Variants in TMEFF2 observed in about 807,000 individuals in gnomAD.
The protein encoded by TMEFF2 is transmembrane protein with EGF like and two follistatin like domains 2.
Under a neutral mutation model 53.8 loss-of-function variants are expected in TMEFF2, and 28 were observed. The ratio of observed to expected loss-of-function variants is 0.52; its 90% CI spans 0.39 to 0.71. TMEFF2 has a LOEUF of 0.71. Among genes scored for constraint, TMEFF2 ranks in the 30% least tolerant of loss-of-function variants. The pLI, the probability that TMEFF2 is intolerant of heterozygous loss-of-function variation, is 0.00. For missense variants in TMEFF2, 353 were observed against 455.2 expected, an observed-to-expected ratio of 0.78 and a Z score of 2.04; for synonymous variants, 162 against 166.3, an observed-to-expected ratio of 0.97 and a Z score of 0.20.
In TMEFF2 at chr2:192,109,603, C is replaced by T. The variant is rs565505745; in HGVS notation, c.440-51828G>A. Among the ~76,000 whole-genome samples, 5 of 152,226 alleles carry T rather than the reference C, an allele frequency of 3.3e-5. No homozygotes were observed. In the South Asian group the frequency reaches 6.2e-4, roughly 19 times the overall value. ...AGTAGACAGCTTCAAGACAGACTGA[C>T]TGTCAGGTCCACACTACCTGATGAC... On this transcript the variant is annotated intron_variant, in intron 4 of 9. Coordinates refer to ENST00000272771, the MANE Select transcript of TMEFF2 (RefSeq NM_016192.4).
rs1472494053 is a variant in TMEFF2 at position 192,034,123 on chromosome 2, C to T, written c.536+23556G>A. Among the ~76,000 whole-genome samples the T allele has an allele frequency of 2.8e-5, 4 of 143,258 alleles. No homozygotes were observed. The East Asian group carries it at 6.1e-4, about 22-fold the overall frequency. 94.0% of individuals were successfully genotyped at this position (143,258 alleles called of 152,430 possible). The stretch of plus-strand genomic sequence containing the variant: ...CCGGGAGGCGGAGCTTGCAGTGAGC[C>T]GAGATCGTGCCACTGCACTCCAGCC... On this transcript the variant is annotated intron_variant, in intron 5 of 9. Coordinates refer to ENST00000272771, the MANE Select transcript of TMEFF2 (RefSeq NM_016192.4).
intron 5 of TMEFF2, among the ~76,000 whole-genome samples, chr2:192,015,308 C>CTTTTTTTTTTTTTTTTTTTTTTTTTT (rs34696715): frequency 1.3e-5 from 1 of 76,272 alleles, no homozygotes; most frequent in Non-Finnish European, 2.3e-5. Flanking sequence ...ATCACTGAAG[C>CTTTTTTTTTTTTTTTTTTTTTTTTTT]TTTTTTTTTT....
intron 7 of TMEFF2, among the ~76,000 whole-genome samples, chr2:191,966,637 GCAAAA>G (rs983403931): frequency 9.9e-5 from 15 of 152,088 alleles, no homozygotes; most frequent in African/African-American, 3.6e-4. Flanking sequence ...ATTTAAAAAA[GCAAAA>G]CAAAACAAAA....
In TMEFF2 at chr2:192,055,562, G is replaced by A. The variant is rs564251717; in HGVS notation, c.536+2117C>T. Among the ~76,000 whole-genome samples, 5 of 152,006 alleles carry A rather than the reference G, an allele frequency of 3.3e-5. No homozygotes were observed. In the South Asian group the frequency reaches 1.0e-3, roughly 32 times the overall value. On this transcript the variant is annotated intron_variant, in intron 5 of 9. Transcript: ENST00000272771. ...GGCCGAGGCGGGCAAATCACCTGAG[G>A]TGAGGAGTTTGAGACCAGCCTGGCC...
intron 2 of TMEFF2, among the ~76,000 whole-genome samples, chr2:192,185,356 G>T (rs1425269907): frequency 6.6e-6 from 1 of 151,934 alleles, no homozygotes; most frequent in African/African-American, 2.4e-5. Context: ...ATTATCTCAT[G>T]ATTACTACTA....
chr2:192,142,084 G>A (rs184964696), intron 4 of TMEFF2, among the ~76,000 whole-genome samples: 1 of 152,180 alleles, frequency 6.6e-6, no homozygotes, highest in African/African-American at 2.4e-5. Context: ...CCCTCTTTGG[G>A]AAGTCAAAGA....
chr2:192,190,053 C>T (rs1283189065), intron 2 of TMEFF2, among the ~76,000 whole-genome samples: 1 of 152,200 alleles, frequency 6.6e-6, no homozygotes, highest in Non-Finnish European at 1.5e-5. Flanking sequence ...TAATGACAAA[C>T]ATGACTGGCC....
At chr2:192,000,886 G>A (rs1024161882) in intron 5 of TMEFF2, among the ~76,000 whole-genome samples, 7 of 152,130 alleles carry the variant, frequency 4.6e-5, no homozygotes, top group African/African-American at 1.7e-4. Context: ...ACTCATTGAG[G>A]AGCGGTGTTC....
intron 8 of TMEFF2, among the ~76,000 whole-genome samples, chr2:191,955,345 A>G (rs1387444844): frequency 3.3e-5 from 5 of 150,828 alleles, no homozygotes; most frequent in South Asian, 2.1e-4. Context: ...ATTTAAATAC[A>G]TATATATTAA....
intron 7 of TMEFF2, among the ~76,000 whole-genome samples, chr2:191,970,627 A>G (rs1477002141): frequency 6.6e-6 from 1 of 152,150 alleles, no homozygotes; most frequent in South Asian, 2.1e-4. Context: ...GCCTCTAGAA[A>G]TGTGAGATAA....
chr2:192,005,279 C>T (rs559656074), intron 5 of TMEFF2, among the ~76,000 whole-genome samples: 14 of 152,226 alleles, frequency 9.2e-5, no homozygotes, highest in Non-Finnish European at 1.5e-4. Flanking sequence ...TCAATATTTT[C>T]GGGGGGTTTG....
At chr2:192,118,130 C>T (rs914606486) in intron 4 of TMEFF2, among the ~76,000 whole-genome samples, 1 of 151,778 alleles carries the variant, frequency 6.6e-6, no homozygotes, top group Admixed American at 6.6e-5. Context: ...TTATGATTTA[C>T]TCCATAAAGG....
chr2:192,005,051 C>T (rs574453879), intron 5 of TMEFF2, among the ~76,000 whole-genome samples: 15 of 152,056 alleles, frequency 9.9e-5, no homozygotes, highest in Non-Finnish European at 1.3e-4. Flanking sequence ...CAGCCTTACT[C>T]GAAAATAATA....
At chr2:192,121,053 G>A (rs1689539711) in intron 4 of TMEFF2, among the ~76,000 whole-genome samples, 1 of 151,902 alleles carries the variant, frequency 6.6e-6, no homozygotes, top group Admixed American at 6.6e-5. Flanking sequence ...ATTTTTCTAG[G>A]GGCCTACTAT....
chr2:191,984,098 C>G (rs1398647380), intron 7 of TMEFF2, among the ~76,000 whole-genome samples: 1 of 152,000 alleles, frequency 6.6e-6, no homozygotes, highest in Non-Finnish European at 1.5e-5. Flanking sequence ...TGGAGGTAAA[C>G]TTCGTAAGTT....
intron 4 of TMEFF2, among the ~76,000 whole-genome samples, chr2:192,060,059 T>C (rs115963542): frequency 2.4e-4 from 34 of 144,098 alleles, no homozygotes; most frequent in Middle Eastern, 3.4e-3. Context: ...TTTTTTTTAA[T>C]AAAAATGCCC....
At position 191,950,218 on chromosome 2, in the gene TMEFF2, A is replaced by G. The variant is rs922816706; in HGVS notation, c.*93T>C. 4.5e-5 allele frequency: 70 copies of G among 1,568,320 alleles called. No individual in the cohort carries two copies. The highest frequency in any genetic ancestry group is 6.0e-5 in the Non-Finnish European group (69 of 1,158,606). ...TAGATTACCACAAATGCAAGGCAAC[A>G]TGTGTAGATCTCTTGTCTTATTCTT... On this transcript the variant is annotated 3_prime_UTR_variant, in exon 10 of 10. Coordinates refer to ENST00000272771, the MANE Select transcript of TMEFF2 (RefSeq NM_016192.4).
intron 5 of TMEFF2, among the ~76,000 whole-genome samples, chr2:192,005,126 C>T (rs925123144): frequency 6.6e-6 from 1 of 152,074 alleles, no homozygotes; most frequent in Non-Finnish European, 1.5e-5. Context: ...TTAACATTGA[C>T]TGAAAACCTT....
At chr2:192,124,462 G>T (rs1689630167) in intron 4 of TMEFF2, among the ~76,000 whole-genome samples, 1 of 152,154 alleles carries the variant, frequency 6.6e-6, no homozygotes, top group African/African-American at 2.4e-5. Flanking sequence ...CAAAGGCCTG[G>T]CAGAAGTGAT....
Sources: gnomAD v4.1 joint callset for allele counts (sites outside exome capture counted in the v4.1 genomes callset) on GRCh38, gnomAD v4.1.1 for gene constraint, MANE v1.5 for transcripts, NCBI Gene and HGNC (gene_info 2026-07-23, HGNC 2026-07-21) for gene names.